Variants in NUP43 observed in about 807,000 individuals in gnomAD.
NUP43 encodes nucleoporin 43, also known as nucleoporin Nup43.
NUP43 carries 32 observed loss-of-function variants against 47.3 expected under a neutral mutation model. That is an observed-to-expected ratio of 0.68 (90% CI 0.51 to 0.91). The LOEUF is 0.91. NUP43 is among the 40% of genes least tolerant of loss of function. The pLI is 0.00. For synonymous variants in NUP43, 147 were observed against 158.4 expected (o/e 0.93, Z 0.54); for missense variants, 444 against 453.9 (o/e 0.98, Z 0.20).
intron 4 of NUP43, among the ~76,000 whole-genome samples, chr6:149,741,949 C>T (rs372178456): frequency 6.6e-6 from 1 of 152,126 alleles, no homozygotes; most frequent in African/African-American, 2.4e-5. Flanking sequence ...ACCTCCACCT[C>T]TCAGGTTCAA....
At position 149,733,640 on chromosome 6, in the gene NUP43, T is replaced by C. The variant is rs534869540; in HGVS notation, c.791-1905A>G. ...TTTGTATTTTTAACAGACATGGGGT[T>C]TCTCCATGTTGCCCAGGCTGGTCTC... On this transcript the variant is annotated intron_variant, in intron 6 of 7. Coordinates refer to ENST00000340413, the MANE Select transcript of NUP43 (RefSeq NM_198887.3). Among the ~76,000 whole-genome samples the C allele has an allele frequency of 1.4e-3, 219 of 152,198 alleles. 2 individuals carry two copies. The highest frequency in any genetic ancestry group is 5.1e-3 in the African/African-American group (210 of 41,500).
At chr6:149,747,866 C>T (rs184448523), upstream of NUP43, among the ~76,000 whole-genome samples, 4 of 152,332 alleles carry the variant, frequency 2.6e-5, no homozygotes, top group African/African-American at 9.6e-5. Flanking sequence ...CCATCTGGGT[C>T]AGCTTTAGAG....
At chr6:149,746,242 G>T (rs79700776) in intron 1 of NUP43, 134 bp downstream of exon 1, 1 of 1,398,808 alleles carries the variant, frequency 7.1e-7, no homozygotes, top group Non-Finnish European at 9.8e-7. Flanking sequence ...GAGCAACCGC[G>T]CCTGAGACAG....
In NUP43 at chr6:149,727,117, C is replaced by T. The variant is rs752955808; in HGVS notation, c.995G>A (p.Ser332Asn). ...VHQSVISSWL[S>N]TDPAKDRIEI... ...AATTCGGTCTTTTGCAGGATCAGTGCTGAGCCAGGAGCTAATGACAGACTG... is the reference window on the plus strand; with the variant it reads ...AATTCGGTCTTTTGCAGGATCAGTGTTGAGCCAGGAGCTAATGACAGACTG... Residue 332 changes from serine to asparagine, a missense_variant, in exon 8 of 8, where the codon AGC becomes AAC. Physicochemically the swap from Ser to Asn is conservative, Grantham distance 46. Coordinates refer to ENST00000340413, the MANE Select transcript of NUP43 (RefSeq NM_198887.3). 4.3e-6 allele frequency: 7 copies of T among 1,614,088 alleles called. No individual in the cohort carries two copies. In the South Asian group the frequency reaches 7.7e-5, roughly 18 times the overall value.
At chr6:149,739,068 C>A (rs1379916093) in intron 4 of NUP43, among the ~76,000 whole-genome samples, 1 of 151,714 alleles carries the variant, frequency 6.6e-6, no homozygotes, top group African/African-American at 2.4e-5. Flanking sequence ...GCAATCTCCA[C>A]CTCTCGGATT....
At chr6:149,732,234 G>A (rs980534157) in intron 6 of NUP43, among the ~76,000 whole-genome samples, 18 of 151,094 alleles carry the variant, frequency 1.2e-4, no homozygotes, top group Non-Finnish European at 1.0e-4. Flanking sequence ...CTAAATTTGC[G>A]TACTGGGCAA....
At chr6:149,743,383 T>C (rs905454775) in intron 3 of NUP43, among the ~76,000 whole-genome samples, 1 of 151,882 alleles carries the variant, frequency 6.6e-6, no homozygotes, top group Non-Finnish European at 1.5e-5. Context: ...GCTGATCACC[T>C]GAGGTCAGGT....
At chr6:149,731,861 C>T in intron 6 of NUP43, 126 bp from the exon 7 acceptor site, 2 of 957,440 alleles carry the variant, frequency 2.1e-6, no homozygotes, top group East Asian at 2.6e-5. Flanking sequence ...CAAGTCTGTC[C>T]TAAAAATTAA....
At chr6:149,736,421 T>C (rs1785362130) in intron 6 of NUP43, 50 bp downstream of exon 6, 2 of 1,375,556 alleles carry the variant, frequency 1.5e-6, no homozygotes, top group South Asian at 1.8e-5. Flanking sequence ...GCTTATTATA[T>C]GTCATATAAC....
At chr6:149,727,506 G>A in intron 7 of NUP43, 6 of 984,764 alleles carry the variant, frequency 6.1e-6, no homozygotes, top group Non-Finnish European at 7.2e-6. Context: ...AAAACGGCCA[G>A]CATACAAGTT....
At chr6:149,739,073 C>T (rs1446213572) in intron 4 of NUP43, among the ~76,000 whole-genome samples, 1 of 151,624 alleles carries the variant, frequency 6.6e-6, no homozygotes, top group South Asian at 2.1e-4. Flanking sequence ...CTCCACCTCT[C>T]GGATTCAAGC....
At chr6:149,736,146 G>A (rs926457286) in intron 6 of NUP43, among the ~76,000 whole-genome samples, 3 of 151,346 alleles carry the variant, frequency 2.0e-5, no homozygotes, top group Non-Finnish European at 2.9e-5. Flanking sequence ...GTGTGGTGGT[G>A]CATGCCTGTA....
chr6:149,744,709 G>A (rs1329725879), intron 2 of NUP43, among the ~76,000 whole-genome samples: 1 of 151,520 alleles, frequency 6.6e-6, no homozygotes, highest in Non-Finnish European at 1.5e-5. Context: ...GGTGGCATGT[G>A]CCTGTTGTCC....
intron 6 of NUP43, among the ~76,000 whole-genome samples, 198 bp downstream of exon 6, chr6:149,736,273 G>A (rs561898355): frequency 8.6e-5 from 13 of 151,984 alleles, no homozygotes; most frequent in Middle Eastern, 3.4e-3. Context: ...GTGAATCTCC[G>A]TCTCCAAAAA....
intron 7 of NUP43, chr6:149,728,368 G>T: frequency 1.0e-6 from 1 of 983,404 alleles, no homozygotes; most frequent in Non-Finnish European, 1.2e-6. Context: ...AAGTAAAAAC[G>T]AAGTACATAC....
rs375384651 is a variant in NUP43, at chr6:149,736,611, C to T, written c.650G>A (p.Arg217Gln). Residue 217 changes from arginine (R) to glutamine (Q), a missense_variant, in exon 6 of 8, where the codon CGA (arginine) becomes CAA (glutamine). Transcript: ENST00000340413. ...TCTATCAACACAGTGGAGTGGCACT[C>T]GGTCACCAGTCCTTTTGTGGGAGAT... is the stretch of plus-strand genomic sequence containing the variant. ...PSQILSLTGD[R>Q]VPLHCVDRHP... 27 of 1,582,626 alleles carry T rather than the reference C, an allele frequency of 1.7e-5. No individual in the cohort carries two copies. The highest frequency in any genetic ancestry group is 3.3e-4 in the Middle Eastern group (2 of 5,988).
intron 4 of NUP43, among the ~76,000 whole-genome samples, chr6:149,741,272 C>CAAGCGATTCTCATGCCTCAG (rs1562382203): frequency 6.6e-6 from 1 of 152,130 alleles, no homozygotes; most frequent in Non-Finnish European, 1.5e-5. Flanking sequence ...CTCTCAGGTT[C>CAAGCGATTCTCATGCCTCAG]AAGCGATTCT....
intron 3 of NUP43, 64 bp downstream of exon 3, chr6:149,743,574 G>T: frequency 2.9e-6 from 3 of 1,026,596 alleles, no homozygotes; most frequent in East Asian, 2.4e-5. Context: ...CAGTGCGCGG[G>T]CAACAAGAGC....
chr6:149,743,485 C>T (rs1345878104), intron 3 of NUP43, among the ~76,000 whole-genome samples, 153 bp downstream of exon 3: 2 of 152,048 alleles, frequency 1.3e-5, no homozygotes, highest in Admixed American at 6.6e-5. Flanking sequence ...ATCCCAGCTA[C>T]TTGGGAGGCT....
Sources: allele counts gnomAD v4.1 joint callset (sites outside exome capture counted in the v4.1 genomes callset), GRCh38; gene constraint gnomAD v4.1.1; transcripts MANE v1.5; gene names NCBI Gene and HGNC (gene_info 2026-07-23, HGNC 2026-07-21).